Variants in MYO5C observed in about 807,000 individuals in gnomAD.
MYO5C encodes myosin VC, also known as unconventional myosin-Vc.
A neutral mutation model predicts 235.7 loss-of-function variants in MYO5C; 194 were observed. The ratio of observed to expected loss-of-function variants is 0.82; its 90% CI spans 0.73 to 0.93. The LOEUF is 0.93. Among genes scored for constraint, MYO5C ranks in the 40% least tolerant of loss-of-function variants. The pLI is 0.00. For synonymous variants in MYO5C, 707 were observed against 754.8 expected (o/e 0.94, Z 1.04); for missense variants, 2,038 against 2,127.2 (o/e 0.96, Z 0.82).
In MYO5C at chr15:52,223,680, T is replaced by C. The variant is rs182000045; in HGVS notation, c.3491A>G (p.Lys1164Arg). The C allele has an allele frequency of 1.2e-5, 20 of 1,614,158 alleles. No homozygotes were observed. The highest frequency in any genetic ancestry group is 1.7e-5 in the Admixed American group (1 of 60,022). The change falls in exon 29 of 41, where the codon AAG becomes AGG. Residue 1164 changes from lysine (K) to arginine (R), a missense_variant. Transcript: ENST00000261839. ...HFQSQKDCYE[K>R]EIEALNFKVV... is the part of the protein sequence containing the mutation. ...TTTGAAGTTCAAAGCTTCAATCTCC[T>C]TTTCATAGCAATCCTTCTGAGACTG...
At position 52,213,295 on chromosome 15, in the gene MYO5C, A is replaced by G; in HGVS notation, c.4043-9T>C. 6.2e-7 allele frequency: 1 copy of G among 1,601,556 alleles called. No individual in the cohort carries two copies. The highest frequency in any genetic ancestry group is 8.6e-7 in the Non-Finnish European group (1 of 1,168,660). On this transcript the variant is annotated splice_polypyrimidine_tract_variant and intron_variant, in intron 33 of 40. Coordinates refer to ENST00000261839, the MANE Select transcript of MYO5C (RefSeq NM_018728.4). Reference sequence around the variant, plus strand: ...CGAGTGCACATCATTGGCTGTAGACAGAGGCAAACAATCAGCTAAATACAC... The same window carrying G: ...CGAGTGCACATCATTGGCTGTAGACGGAGGCAAACAATCAGCTAAATACAC...
intron 13 of MYO5C, among the ~76,000 whole-genome samples, chr15:52,249,354 T>C (rs2036423462): frequency 6.6e-6 from 1 of 152,174 alleles, no homozygotes; most frequent in South Asian, 2.1e-4. Flanking sequence ...CTCGAATGCC[T>C]CAAACCATGG....
chr15:52,279,453 G>T, intron 3 of MYO5C, 56 bp downstream of exon 3: 1 of 1,567,984 alleles, frequency 6.4e-7, no homozygotes, highest in South Asian at 1.1e-5. Flanking sequence ...GGAGGCTCTA[G>T]ACAGCAAGCT....
At chr15:52,196,962 C>A (rs1230078699) in intron 38 of MYO5C, among the ~76,000 whole-genome samples, 1 of 152,162 alleles carries the variant, frequency 6.6e-6, no homozygotes, top group African/African-American at 2.4e-5. Context: ...TCCTGCCAAT[C>A]CACTGTGTGA....
At position 52,216,846 on chromosome 15, in the gene MYO5C, T is replaced by C. The variant is rs550067127; in HGVS notation, c.3954+1673A>G. On this transcript the variant is annotated intron_variant, in intron 32 of 40. Transcript: ENST00000261839. ...TGTAAATCCAATGCAGGTGTCCTTA[T>C]AACAGATGGAAAAGAACACAGAGAC... 3.3e-5 allele frequency among the ~76,000 whole-genome samples: 5 copies of C among 152,200 alleles called. No homozygotes were observed. In the South Asian group the frequency reaches 1.0e-3, roughly 32 times the overall value.
At chr15:52,279,368 G>A in intron 3 of MYO5C, 141 bp downstream of exon 3, 1 of 800,038 alleles carries the variant, frequency 1.2e-6, no homozygotes. Context: ...CTTAGTTCTT[G>A]TTGAAGATTC....
chr15:52,292,933 A>C (rs2037423135), intron 1 of MYO5C, among the ~76,000 whole-genome samples: 1 of 152,266 alleles, frequency 6.6e-6, no homozygotes, highest in Admixed American at 6.5e-5. Context: ...GGAGTCTGGC[A>C]GAGCATGAGC....
chr15:52,245,557 G>C (rs75129292), intron 17 of MYO5C, 92 bp from the exon 18 acceptor site: 20,235 of 874,148 alleles, frequency 0.023, 501 homozygotes, highest in East Asian at 0.088. Context: ...TGTTGTCATA[G>C]GGCGGGGGTG....
intron 9 of MYO5C, among the ~76,000 whole-genome samples, chr15:52,263,848 C>T (rs972996606): frequency 6.6e-6 from 1 of 152,192 alleles, no homozygotes. Context: ...CCTCCCTACC[C>T]TTGATCATAA....
intron 23 of MYO5C, among the ~76,000 whole-genome samples, chr15:52,232,931 G>A (rs1280331296): frequency 6.6e-6 from 1 of 152,112 alleles, no homozygotes; most frequent in Non-Finnish European, 1.5e-5. Context: ...TAGTACTTTT[G>A]TTGGTCTGTT....
chr15:52,237,929 A>ACC (rs375594763), intron 21 of MYO5C, among the ~76,000 whole-genome samples: 13 of 150,760 alleles, frequency 8.6e-5, no homozygotes, highest in Non-Finnish European at 1.5e-4. Flanking sequence ...GCCCCCCGCC[A>ACC]AAATTCATTT....
At chr15:52,277,896 G>C in intron 4 of MYO5C, 1 of 455,984 alleles carries the variant, frequency 2.2e-6, no homozygotes. Flanking sequence ...CCAGGAATGG[G>C]TGCCCTCTGA....
At chr15:52,285,180 C>T (rs1260123185) in intron 1 of MYO5C, among the ~76,000 whole-genome samples, 6 of 152,138 alleles carry the variant, frequency 3.9e-5, no homozygotes, top group Non-Finnish European at 7.4e-5. Context: ...CCAGCTTGGC[C>T]AACATGGTGA....
Position 52,286,155 on chromosome 15 carries a change from G to A in MYO5C, c.28-3263C>T, listed in dbSNP as rs1379668809. ...TGAGAAGTGAGGAGTCCCTCCGCCC[G>A]GCAGCCACCCCGTCTGGGAGGAGAA... On this transcript the variant is annotated intron_variant, in intron 1 of 40. Transcript: ENST00000261839. 5.3e-5 allele frequency among the ~76,000 whole-genome samples: 8 copies of A among 151,854 alleles called. No individual in the cohort carries two copies. In the East Asian group the frequency reaches 5.9e-4, roughly 11 times the overall value.
chr15:52,209,557 T>A (rs1188836019), intron 35 of MYO5C, among the ~76,000 whole-genome samples: 1 of 151,988 alleles, frequency 6.6e-6, no homozygotes, highest in Non-Finnish European at 1.5e-5. Context: ...CACAGAGAAG[T>A]TGAGACTGAA....
rs1488702432 is a variant in MYO5C at position 52,246,937 on chromosome 15, A to G, written c.1959T>C (p.Asn653=). ...TPHYVRCIKP[N]DEKLPFEFDS... ...CTTACTCAAAGGGTAACTTCTCATC[A>G]TTTGGCTTGATGCATCGAACGTAGT... Residue 653 remains asparagine, a synonymous_variant, in exon 16 of 41, where the codon AAT becomes AAC. Coordinates refer to ENST00000261839, the MANE Select transcript of MYO5C (RefSeq NM_018728.4). 3.1e-6 allele frequency: 5 copies of G among 1,614,032 alleles called. No individual in the cohort carries two copies. Among genetic ancestry groups the G allele is most frequent in the Non-Finnish European group, 4.2e-6 (5 of 1,179,968 alleles).
At position 52,201,421 on chromosome 15, in the gene MYO5C, TC is replaced by T. The variant is rs551762742; in HGVS notation, c.4820+3443del. 2.6e-3 allele frequency among the ~76,000 whole-genome samples: 391 copies of T among 152,326 alleles called. 4 individuals carry two copies. Among genetic ancestry groups the T allele is most frequent in the African/African-American group, 8.8e-3 (367 of 41,588 alleles). ...ACAACTGTCAATCCAGAATTCTACA[TC>T]CTACAAACATACCCTTTAGGAATAA... On this transcript the variant is annotated intron_variant, in intron 38 of 40. Transcript: ENST00000261839.
chr15:52,242,449 C>T (rs2036247369), intron 19 of MYO5C: 1 of 480,006 alleles, frequency 2.1e-6, no homozygotes, highest in Non-Finnish European at 3.7e-6. Flanking sequence ...AGTCGATTCA[C>T]CTCCACTCAG....
In MYO5C at chr15:52,218,590, G is replaced by T. The variant is rs774202873; in HGVS notation, c.3883C>A (p.Gln1295Lys). ...MQEASDHLKK[Q>K]FETESEVKCN... ...TTGACTTCACTTTCAGTTTCAAATT[G>T]TTTCTTCAAGTGGTCACTGGCCTCC... Residue 1295 changes from glutamine (Q) to lysine (K), a missense_variant, in exon 32 of 41, where the codon CAA (glutamine) becomes AAA (lysine). By Grantham distance (53) the Gln-to-Lys change is moderately conservative. Transcript: ENST00000261839. 3.7e-6 allele frequency: 6 copies of T among 1,614,170 alleles called. No individual in the cohort carries two copies. The South Asian group carries it at 5.5e-5, about 15-fold the overall frequency.
Sources: gnomAD v4.1 joint callset for allele counts (sites outside exome capture counted in the v4.1 genomes callset) on GRCh38, gnomAD v4.1.1 for gene constraint, MANE v1.5 for transcripts, NCBI Gene and HGNC (gene_info 2026-07-23, HGNC 2026-07-21) for gene names.